DAB1: variants seen among roughly 807,000 people sequenced by gnomAD.
DAB1 encodes the protein disabled homolog 1.
A neutral mutation model predicts 64.6 loss-of-function variants in DAB1; 15 were observed. The observed-to-expected ratio is 0.23, with a 90% CI of 0.16 to 0.36. The LOEUF is 0.36. Ranked by LOEUF, DAB1 falls within the 10% of genes least tolerant of loss-of-function variation. DAB1 has a pLI of 1.00. For synonymous variants in DAB1, 235 were observed against 251.9 expected (o/e 0.93, Z 0.64); for missense variants, 596 against 706.7 (o/e 0.84, Z 1.78).
At chr1:58,445,336 C>T (rs541974119) in intron 3 of DAB1, among the ~76,000 whole-genome samples, 47 of 152,288 alleles carry the variant, frequency 3.1e-4, no homozygotes, top group African/African-American at 8.7e-4. Context: ...ATCAATATTC[C>T]CACCTTACGG....
chr1:57,200,803 A>T (rs895526894), intron 2 of DAB1, among the ~76,000 whole-genome samples: 2 of 152,232 alleles, frequency 1.3e-5, no homozygotes, highest in Non-Finnish European at 2.9e-5. Context: ...CATGTTAATA[A>T]AGTACTTTCC....
At chr1:57,294,916 C>T (rs1376263664) in intron 1 of DAB1, among the ~76,000 whole-genome samples, 1 of 152,098 alleles carries the variant, frequency 6.6e-6, no homozygotes, top group East Asian at 1.9e-4. Flanking sequence ...AAATGTAGTA[C>T]TGATACACAC....
At chr1:57,996,321 A>C (rs1193532426) in intron 5 of DAB1, among the ~76,000 whole-genome samples, 2 of 152,214 alleles carry the variant, frequency 1.3e-5, no homozygotes, top group African/African-American at 4.8e-5. Context: ...ATTAAATGAG[A>C]TTATGTATTT....
chr1:58,164,088 A>C (rs996477763), intron 4 of DAB1, among the ~76,000 whole-genome samples: 1 of 152,000 alleles, frequency 6.6e-6, no homozygotes, highest in African/African-American at 2.4e-5. Context: ...AAAAAGCAAA[A>C]CTAAGTGGAG....
At chr1:57,160,965 G>T (rs77281854) in intron 2 of DAB1, among the ~76,000 whole-genome samples, 4 of 151,956 alleles carry the variant, frequency 2.6e-5, no homozygotes, top group Non-Finnish European at 2.9e-5. Context: ...AGCAGGTGAC[G>T]CCTTTGCTGC....
chr1:58,351,969 AT>A (rs756171029), intron 3 of DAB1, among the ~76,000 whole-genome samples: 25 of 150,922 alleles, frequency 1.7e-4, no homozygotes, highest in Non-Finnish European at 2.2e-4. Flanking sequence ...CCAGAGTGAA[AT>A]GACTGAATTG....
chr1:57,767,547 T>C (rs139618223), intron 6 of DAB1, among the ~76,000 whole-genome samples: 3 of 152,298 alleles, frequency 2.0e-5, no homozygotes, highest in African/African-American at 4.8e-5. Context: ...AAACCATCAA[T>C]TGATTCTTCT....
At chr1:57,076,223 G>A (rs1196473069) in intron 4 of DAB1, among the ~76,000 whole-genome samples, 2 of 152,182 alleles carry the variant, frequency 1.3e-5, no homozygotes, top group Admixed American at 6.5e-5. Context: ...AGTTCCGGAG[G>A]TGGCTGGGAG....
At chr1:58,023,251 A>G (rs1192549882) in intron 5 of DAB1, among the ~76,000 whole-genome samples, 2 of 152,096 alleles carry the variant, frequency 1.3e-5, no homozygotes, top group African/African-American at 2.4e-5. Flanking sequence ...GCCTTTCCAG[A>G]GCCTCTCTGG....
chr1:57,924,752 G>A (rs1644855799), intron 5 of DAB1, among the ~76,000 whole-genome samples: 1 of 151,402 alleles, frequency 6.6e-6, no homozygotes, highest in Non-Finnish European at 1.5e-5. Context: ...TACAGGTGGA[G>A]CCACTGCACC....
chr1:57,572,044 C>G (rs1034270710), intron 7 of DAB1, among the ~76,000 whole-genome samples: 1 of 152,114 alleles, frequency 6.6e-6, no homozygotes, highest in Middle Eastern at 3.2e-3. Context: ...TGGAGGTGAC[C>G]GTCCTGGCCA....
intron 2 of DAB1, among the ~76,000 whole-genome samples, chr1:57,200,878 G>A (rs1236077567): frequency 1.3e-5 from 2 of 152,174 alleles, no homozygotes; most frequent in East Asian, 1.9e-4. Flanking sequence ...CTGAAGTGAG[G>A]AGATGAGGCA....
chr1:58,383,420 A>G (rs1189019066), intron 3 of DAB1, among the ~76,000 whole-genome samples: 1 of 152,166 alleles, frequency 6.6e-6, no homozygotes, highest in African/African-American at 2.4e-5. Context: ...GATTTTTAAT[A>G]TATCTTAGGC....
rs533572234 is a variant in DAB1, at chr1:57,549,696, C to T, written n.625+99896G>A. 2.6e-5 allele frequency among the ~76,000 whole-genome samples: 4 copies of T among 152,276 alleles called. No individual in the cohort carries two copies. The South Asian group carries it at 6.2e-4, about 24-fold the overall frequency. On this transcript the variant is annotated intron_variant and non_coding_transcript_variant, in intron 7 of 20. Transcript: ENST00000485760. ...TCTGGAAGGGAGACATTGGGTTGTG[C>T]AACAGGACAGATAATAGACCTTATT...
In DAB1 at chr1:57,216,534, G is replaced by A. The variant is rs898391661; in HGVS notation, c.68-71105C>T. On this transcript the variant is annotated intron_variant, in intron 2 of 14. Transcript: ENST00000371236. ...TAAAACTTGTTATTATCAAATGAGA[G>A]GTTGCCAGTTTTGGCTCTAAATAAG... is the stretch of plus-strand genomic sequence containing the variant. 3.4e-4 allele frequency among the ~76,000 whole-genome samples: 51 copies of A among 152,126 alleles called. 1 individual carries two copies. The highest frequency in any genetic ancestry group is 2.6e-4 in the Admixed American group (4 of 15,268).
chr1:57,774,489 T>A (rs1414876859), intron 6 of DAB1, among the ~76,000 whole-genome samples: 1 of 151,920 alleles, frequency 6.6e-6, no homozygotes, highest in East Asian at 1.9e-4. Flanking sequence ...ATGAAAGTGA[T>A]CCTGATCTTA....
intron 6 of DAB1, among the ~76,000 whole-genome samples, chr1:57,721,961 T>A (rs1233511814): frequency 6.6e-6 from 1 of 152,030 alleles, no homozygotes; most frequent in African/African-American, 2.4e-5. Flanking sequence ...AAGGCAGGAT[T>A]TTAAACCAGA....
intron 12 of DAB1, among the ~76,000 whole-genome samples, chr1:57,012,433 C>T (rs957923675): frequency 2.0e-5 from 3 of 152,200 alleles, no homozygotes; most frequent in South Asian, 2.1e-4. Context: ...AGGTGTCTTG[C>T]GAAGGGTTAA....
rs78246771 is a variant in DAB1, at chr1:57,730,663, T to C, written n.552-80998A>G. ...TGATCTTTACTTCTCACATGAGGCA[T>C]TGAACTCCTTCAGGACAAGACTGGG... On this transcript the variant is annotated intron_variant and non_coding_transcript_variant, in intron 6 of 20. Transcript: ENST00000485760. 2.8e-3 allele frequency among the ~76,000 whole-genome samples: 430 copies of C among 152,338 alleles called. 2 individuals are homozygous for C. The highest frequency in any genetic ancestry group is 9.6e-3 in the African/African-American group (401 of 41,576).
Sources: gnomAD v4.1 joint callset for allele counts (sites outside exome capture counted in the v4.1 genomes callset) on GRCh38, gnomAD v4.1.1 for gene constraint, MANE v1.5 for transcripts, NCBI Gene and HGNC (gene_info 2026-07-23, HGNC 2026-07-21) for gene names.